Variants in EHHADH observed in about 807,000 individuals in gnomAD.
The protein encoded by EHHADH is enoyl-CoA hydratase and 3-hydroxyacyl CoA dehydrogenase.
A neutral mutation model predicts 64.4 loss-of-function variants in EHHADH; 48 were observed. The ratio of observed to expected loss-of-function variants is 0.75; its 90% CI spans 0.59 to 0.95. EHHADH has a LOEUF of 0.95. Ranked by LOEUF, EHHADH falls within the 40% of genes least tolerant of loss-of-function variation. The pLI, the probability that EHHADH is intolerant of heterozygous loss-of-function variation, is 0.00. For synonymous variants in EHHADH, 308 were observed against 326.7 expected (o/e 0.94, Z 0.62); for missense variants, 854 against 876.6 (o/e 0.97, Z 0.33).
In EHHADH at chr3:185,197,899, C is replaced by G. The variant is rs28866576; in HGVS notation, c.911-4412G>C. On this transcript the variant is annotated intron_variant, in intron 6 of 6. Transcript: ENST00000231887. ...GCAACCTCTGCCTCCTGGGTTCAAGCGATTCTCCTGCCTCAGCCTCCCAAG... is the reference window on the plus strand; with the variant it reads ...GCAACCTCTGCCTCCTGGGTTCAAGGGATTCTCCTGCCTCAGCCTCCCAAG... 9.6e-3 allele frequency among the ~76,000 whole-genome samples: 1,456 copies of G among 152,042 alleles called. 24 individuals are homozygous for G. The highest frequency in any genetic ancestry group is 0.033 in the African/African-American group (1,350 of 41,460).
chr3:185,248,177 C>T, intron 2 of EHHADH: 1 of 455,684 alleles, frequency 2.2e-6, no homozygotes, highest in Non-Finnish European at 3.9e-6. Flanking sequence ...TAACAGCCAT[C>T]AAGTCTGGAA....
intron 2 of EHHADH, among the ~76,000 whole-genome samples, chr3:185,242,141 C>G (rs1719472302): frequency 6.6e-6 from 1 of 152,062 alleles, no homozygotes; most frequent in African/African-American, 2.4e-5. Context: ...AGGAAAACAA[C>G]AAAACACTGC....
At chr3:185,201,873 A>G (rs1718238060) in intron 6 of EHHADH, among the ~76,000 whole-genome samples, 1 of 152,226 alleles carries the variant, frequency 6.6e-6, no homozygotes, top group Non-Finnish European at 1.5e-5. Context: ...TGATACACTT[A>G]CCAGCTTGCT....
chr3:185,249,976 A>C (rs1719701764), intron 1 of EHHADH, among the ~76,000 whole-genome samples: 1 of 152,212 alleles, frequency 6.6e-6, no homozygotes, highest in Non-Finnish European at 1.5e-5. Context: ...TGGTTAGATC[A>C]GGAGCAGCCA....
intron 6 of EHHADH, among the ~76,000 whole-genome samples, chr3:185,201,475 C>G (rs1047768363): frequency 1.3e-5 from 2 of 152,152 alleles, no homozygotes; most frequent in African/African-American, 4.8e-5. Context: ...GTGGGAGAAG[C>G]GGCAGCATTC....
chr3:185,220,524 G>C (rs1718804302), intron 4 of EHHADH, among the ~76,000 whole-genome samples: 1 of 152,132 alleles, frequency 6.6e-6, no homozygotes, highest in Admixed American at 6.6e-5. Flanking sequence ...GTTTGTGTAA[G>C]TAAACCATGA....
Position 185,216,178 on chromosome 3 carries a change from A to G in EHHADH, c.568+1958T>C, listed in dbSNP as rs1159691838. Among the ~76,000 whole-genome samples the G allele has an allele frequency of 6.6e-6, 1 of 152,228 alleles. No homozygotes were observed. The highest frequency in any genetic ancestry group is 6.5e-5 in the Admixed American group (1 of 15,278). ...ATTAATTTTAAATTGTGAATAAATT[A>G]AAGTTATAACCAGACCATTTTAGAA... is the stretch of plus-strand genomic sequence containing the variant. On this transcript the variant is annotated intron_variant, in intron 5 of 6. Coordinates refer to ENST00000231887, the MANE Select transcript of EHHADH (RefSeq NM_001966.4). The surrounding 1 kb of genome is among the most constrained non-coding windows in gnomAD (Gnocchi z 5.3).
intron 4 of EHHADH, 141 bp downstream of exon 4, chr3:185,229,291 G>T: frequency 2.4e-6 from 1 of 415,764 alleles, no homozygotes; most frequent in Non-Finnish European, 4.2e-6. Flanking sequence ...CCATATTACA[G>T]ATCAGAAAAT....
intron 6 of EHHADH, among the ~76,000 whole-genome samples, chr3:185,203,722 C>CAGAG (rs1308635033): frequency 3.3e-5 from 5 of 152,128 alleles, no homozygotes; most frequent in African/African-American, 7.2e-5. Context: ...GACGGAAAGA[C>CAGAG]AGAGACTTGA....
At chr3:185,223,547 A>G (rs1718892253) in intron 4 of EHHADH, among the ~76,000 whole-genome samples, 1 of 152,102 alleles carries the variant, frequency 6.6e-6, no homozygotes, top group Non-Finnish European at 1.5e-5. Flanking sequence ...ATATTTGCTG[A>G]TATTAATTAT....
chr3:185,196,064 T>A (rs6805633), intron 6 of EHHADH, among the ~76,000 whole-genome samples: 6,234 of 152,314 alleles, frequency 0.041, 200 homozygotes, highest in East Asian at 0.16. Context: ...TATCAGTACT[T>A]GTTAATTAAA....
intron 3 of EHHADH, among the ~76,000 whole-genome samples, chr3:185,234,602 T>C (rs1335428143): frequency 2.9e-5 from 2 of 69,472 alleles, no homozygotes; most frequent in African/African-American, 8.8e-5. Context: ...GGAGTTCCCC[T>C]GTAGCTGATG....
intron 1 of EHHADH, chr3:185,253,234 AT>A (rs1279952140): frequency 2.8e-5 from 4 of 144,024 alleles, no homozygotes; most frequent in Non-Finnish European, 4.5e-5. Flanking sequence ...GACTTTTAAC[AT>A]TAAAAAAAAA....
At chr3:185,240,912 C>T (rs1447712565) in intron 2 of EHHADH, among the ~76,000 whole-genome samples, 1 of 152,050 alleles carries the variant, frequency 6.6e-6, no homozygotes, top group East Asian at 1.9e-4. Flanking sequence ...ATCACCCAAG[C>T]AGTATATACT....
intron 4 of EHHADH, among the ~76,000 whole-genome samples, chr3:185,227,912 T>C (rs1411457894): frequency 6.6e-6 from 1 of 151,988 alleles, no homozygotes; most frequent in Non-Finnish European, 1.5e-5. Context: ...CTAAGGACAT[T>C]GTACGCAGTA....
At chr3:185,207,796 C>A (rs1162483388) in intron 5 of EHHADH, among the ~76,000 whole-genome samples, 1 of 152,176 alleles carries the variant, frequency 6.6e-6, no homozygotes, top group East Asian at 1.9e-4. Flanking sequence ...TTTTTTAGCA[C>A]AGCAATAGAA....
Position 185,204,311 on chromosome 3 carries a change from A to C in EHHADH, c.910+105T>G, listed in dbSNP as rs1718317667. 5 of 1,014,234 alleles carry C rather than the reference A, an allele frequency of 4.9e-6. No homozygotes were observed. The African/African-American group carries it at 6.4e-5, about 13-fold the overall frequency. 62.8% of individuals were successfully genotyped at this position (1,014,234 alleles called of 1,614,324 possible). ...TGTGAGAATTAGCTTAGCTAACACA[A>C]GTAATGTGTCTTACGTGAAACCTAG... On this transcript the variant is annotated intron_variant, in intron 6 of 6. Transcript: ENST00000231887.
In EHHADH at chr3:185,192,929, T is replaced by C; in HGVS notation, c.1469A>G (p.Asn490Ser). Reference protein sequence around the residue: ...VGNRMLNPYYNQAYFLLEEGS... With the variant: ...VGNRMLNPYYSQAYFLLEEGS... ...TTCTTCTAACAAGAAATATGCCTGATTGTAGTAAGGATTCAACATTCGATT... is the reference window on the plus strand; with the variant it reads ...TTCTTCTAACAAGAAATATGCCTGACTGTAGTAAGGATTCAACATTCGATT... Residue 490 changes from asparagine (N) to serine (S), a missense_variant, in exon 7 of 7, where the codon AAT (asparagine) becomes AGT (serine). Physicochemically the swap from Asn to Ser is conservative, Grantham distance 46. Coordinates refer to ENST00000231887, the MANE Select transcript of EHHADH (RefSeq NM_001966.4). 1 of 1,614,206 alleles carries C rather than the reference T, an allele frequency of 6.2e-7. No homozygotes were observed. Among genetic ancestry groups the C allele is most frequent in the Non-Finnish European group, 8.5e-7 (1 of 1,180,040 alleles).
intron 5 of EHHADH, among the ~76,000 whole-genome samples, chr3:185,209,244 A>C (rs73193012): frequency 1.7e-4 from 26 of 152,336 alleles, no homozygotes; most frequent in Non-Finnish European, 3.2e-4. Flanking sequence ...AGACCTTAAT[A>C]AAAACAGAAA....
Sources: allele counts gnomAD v4.1 joint callset (sites outside exome capture counted in the v4.1 genomes callset), GRCh38; gene constraint gnomAD v4.1.1; non-coding constraint Gnocchi (gnomAD v3.1); transcripts MANE v1.5; gene names NCBI Gene and HGNC (gene_info 2026-07-23, HGNC 2026-07-21).